Variants in DACH1 observed in about 807,000 individuals in gnomAD.
DACH1 encodes the protein dachshund family transcription factor 1.
In DACH1, 12 loss-of-function variants were observed where a neutral mutation model predicts 54.2. The ratio of observed to expected loss-of-function variants is 0.22; its 90% confidence interval spans 0.14 to 0.36. DACH1 has a LOEUF of 0.36. Ranked by LOEUF, DACH1 falls within the 10% of genes least tolerant of loss-of-function variation. DACH1 has a pLI of 1.00. For synonymous variants in DACH1, 386 were observed against 366.2 expected, an observed-to-expected ratio of 1.05 and a Z score of -0.62; for missense variants, 805 against 929.8, an observed-to-expected ratio of 0.87 and a Z score of 1.75.
chr13:71,850,213 T>C (rs1873568812), intron 1 of DACH1, among the ~76,000 whole-genome samples: 1 of 152,244 alleles, frequency 6.6e-6, no homozygotes, highest in South Asian at 2.1e-4. Context: ...AAGTCCCTAC[T>C]GATTACTGGC....
intron 3 of DACH1, among the ~76,000 whole-genome samples, chr13:71,619,909 G>A (rs1021226396): frequency 6.6e-6 from 1 of 151,748 alleles, no homozygotes; most frequent in Non-Finnish European, 1.5e-5. Context: ...TATTCTAGAC[G>A]ATAGCTTTTT....
intron 1 of DACH1, among the ~76,000 whole-genome samples, chr13:71,741,754 T>A (rs983418374): frequency 1.3e-5 from 2 of 152,158 alleles, no homozygotes; most frequent in Admixed American, 6.5e-5. Context: ...TAATTCTATT[T>A]GAGTGATTTT....
At chr13:71,828,031 G>A (rs1385284358) in intron 1 of DACH1, among the ~76,000 whole-genome samples, 1 of 151,954 alleles carries the variant, frequency 6.6e-6, no homozygotes, top group Non-Finnish European at 1.5e-5. Flanking sequence ...GTAAAGAAGA[G>A]GTCCTGCACC....
intron 1 of DACH1, among the ~76,000 whole-genome samples, chr13:71,701,409 C>T (rs182044940): frequency 8.6e-5 from 13 of 151,954 alleles, no homozygotes; most frequent in African/African-American, 2.4e-4. Context: ...CTTTAGTAAC[C>T]GTGTTTTTTC....
chr13:71,805,446 G>A (rs977084011), intron 1 of DACH1, among the ~76,000 whole-genome samples: 2 of 152,132 alleles, frequency 1.3e-5, no homozygotes, highest in African/African-American at 4.8e-5. Flanking sequence ...AATTCATAGT[G>A]GTTAAGGAAA....
chr13:71,669,927 G>A (rs187040151), intron 2 of DACH1, among the ~76,000 whole-genome samples: 1 of 151,662 alleles, frequency 6.6e-6, no homozygotes, highest in East Asian at 1.9e-4. Context: ...TCTAAGTTAG[G>A]AGCCAACTCA....
intron 1 of DACH1, among the ~76,000 whole-genome samples, chr13:71,844,526 A>G (rs1873093973): frequency 6.6e-6 from 1 of 152,224 alleles, no homozygotes; most frequent in Non-Finnish European, 1.5e-5. Flanking sequence ...CTAAATGTCT[A>G]AGAAATAATA....
intron 6 of DACH1, among the ~76,000 whole-genome samples, chr13:71,535,967 A>C (rs1882759802): frequency 6.6e-6 from 1 of 152,080 alleles, no homozygotes; most frequent in Non-Finnish European, 1.5e-5. Context: ...TTGGTTAAAC[A>C]TAATAATTAC....
In DACH1 at chr13:71,557,397, G is replaced by T. The variant is rs148830577; in HGVS notation, c.1436-239C>A. On this transcript the variant is annotated intron_variant, in intron 5 of 10. Transcript: ENST00000613252. Reference sequence around the variant, plus strand: ...CATCACCTCACTTTATTTTTATTTTGCATAAAACAAGATTTTTATCTGGAA... The same window carrying T: ...CATCACCTCACTTTATTTTTATTTTTCATAAAACAAGATTTTTATCTGGAA... Among the ~76,000 whole-genome samples the T allele has an allele frequency of 2.1e-3, 326 of 151,806 alleles. 2 individuals carry two copies. The highest frequency in any genetic ancestry group is 6.6e-3 in the African/African-American group (275 of 41,408).
intron 6 of DACH1, among the ~76,000 whole-genome samples, chr13:71,507,672 T>A (rs1377174578): frequency 6.6e-6 from 1 of 152,162 alleles, no homozygotes; most frequent in Non-Finnish European, 1.5e-5. Flanking sequence ...TAGTCCATCC[T>A]TGGACTGACT....
chr13:71,548,787 G>A (rs1436705346), intron 6 of DACH1, among the ~76,000 whole-genome samples: 1 of 151,912 alleles, frequency 6.6e-6, no homozygotes, highest in East Asian at 1.9e-4. Context: ...GTGGTGGCGT[G>A]TGCTTGAAGT....
chr13:71,550,718 A>G (rs925227002), intron 6 of DACH1, among the ~76,000 whole-genome samples: 5 of 152,118 alleles, frequency 3.3e-5, no homozygotes, highest in Non-Finnish European at 5.9e-5. Flanking sequence ...GAAATCTGCT[A>G]TCTACTTAAG....
chr13:71,806,356 T>G (rs1401520037), intron 1 of DACH1, among the ~76,000 whole-genome samples: 1 of 152,180 alleles, frequency 6.6e-6, no homozygotes, highest in African/African-American at 2.4e-5. Context: ...TTATACAGTT[T>G]CCTTTTGATA....
At chr13:71,523,255 A>G (rs1881728094) in intron 6 of DACH1, among the ~76,000 whole-genome samples, 1 of 152,116 alleles carries the variant, frequency 6.6e-6, no homozygotes, top group Admixed American at 6.6e-5. Flanking sequence ...TGTAAATACA[A>G]TGTATTCAGA....
intron 10 of DACH1, among the ~76,000 whole-genome samples, chr13:71,466,386 ACT>A (rs1278207385): frequency 3.3e-5 from 5 of 151,936 alleles, no homozygotes; most frequent in East Asian, 1.9e-4. Flanking sequence ...TCTGTTAATA[ACT>A]CTCTGTTTCA....
At chr13:71,785,396 G>A (rs1255552565) in intron 1 of DACH1, among the ~76,000 whole-genome samples, 1 of 152,132 alleles carries the variant, frequency 6.6e-6, no homozygotes, top group Non-Finnish European at 1.5e-5. Context: ...AACCCAAAGA[G>A]CATACCGTAT....
chr13:71,766,321 G>A (rs1474620160), intron 1 of DACH1, among the ~76,000 whole-genome samples: 1 of 152,172 alleles, frequency 6.6e-6, no homozygotes, highest in Non-Finnish European at 1.5e-5. Context: ...TTGTGGAGAT[G>A]TTTAAAATTC....
At position 71,673,980 on chromosome 13, in the gene DACH1, T is replaced by C. The variant is rs559788053; in HGVS notation, c.964+7815A>G. Reference sequence around the variant, plus strand: ...TAATCTGGAGCCTAACTGTGCTTAATGGGATTTTAGAAGCTACATTAACAC... The same window carrying C: ...TAATCTGGAGCCTAACTGTGCTTAACGGGATTTTAGAAGCTACATTAACAC... On this transcript the variant is annotated intron_variant, in intron 2 of 10. Transcript: ENST00000613252. Among the ~76,000 whole-genome samples, 19 of 152,332 alleles carry C rather than the reference T, an allele frequency of 1.2e-4. No individual in the cohort carries two copies. In the South Asian group the frequency reaches 1.5e-3, roughly 12 times the overall value.
At chr13:71,824,759 C>CA (rs1208886833) in intron 1 of DACH1, among the ~76,000 whole-genome samples, 1 of 152,018 alleles carries the variant, frequency 6.6e-6, no homozygotes, top group Non-Finnish European at 1.5e-5. Flanking sequence ...GAGTAGTTTA[C>CA]ACAATGGAGG....
Sources: allele counts gnomAD v4.1 joint callset (sites outside exome capture counted in the v4.1 genomes callset), GRCh38; gene constraint gnomAD v4.1.1; transcripts MANE v1.5; gene names NCBI Gene and HGNC (gene_info 2026-07-23, HGNC 2026-07-21).